The following BOC variants were observed in gnomAD, a reference collection of about 807,000 sequenced individuals.
BOC encodes the protein brother of CDO.
BOC carries 76 observed loss-of-function variants against 112.0 expected under a neutral mutation model. The ratio of observed to expected loss-of-function variants is 0.68; its 90% CI spans 0.56 to 0.82. The LOEUF is 0.82. Ranked by LOEUF, BOC falls within the 40% of genes least tolerant of loss-of-function variation. The pLI, the probability that BOC is intolerant of heterozygous loss-of-function variation, is 0.00. For missense variants in BOC, 1,309 were observed against 1,511.7 expected, an observed-to-expected ratio of 0.87 and a Z score of 2.22; for synonymous variants, 580 against 599.8, an observed-to-expected ratio of 0.97 and a Z score of 0.48.
chr3:113,239,908 C>G (rs1291010591), intron 2 of BOC, among the ~76,000 whole-genome samples: 2 of 152,166 alleles, frequency 1.3e-5, no homozygotes, highest in Non-Finnish European at 2.9e-5. Flanking sequence ...AGGGAAGCTT[C>G]CACAGGGAGG....
chr3:113,242,127 A>C (rs910983878), intron 2 of BOC, among the ~76,000 whole-genome samples: 2 of 152,076 alleles, frequency 1.3e-5, no homozygotes, highest in Non-Finnish European at 2.9e-5. Flanking sequence ...AAAAACAAAA[A>C]AAAAAAAAGA....
At chr3:113,217,146 A>G (rs549037576) in intron 2 of BOC, among the ~76,000 whole-genome samples, 2 of 152,268 alleles carry the variant, frequency 1.3e-5, no homozygotes, top group South Asian at 2.1e-4. Flanking sequence ...CCAGAATCCT[A>G]TTACTGGCCT....
chr3:113,260,706 AC>A (rs1233409402), intron 4 of BOC, among the ~76,000 whole-genome samples: 8 of 137,558 alleles, frequency 5.8e-5, no homozygotes, highest in South Asian at 2.5e-4. Context: ...ACAGAACAGA[AC>A]AGAACAGAAC....
At chr3:113,275,959 C>T (rs919683615) in intron 9 of BOC, among the ~76,000 whole-genome samples, 7 of 152,318 alleles carry the variant, frequency 4.6e-5, no homozygotes, top group African/African-American at 1.4e-4. Context: ...GGCAGGGGGA[C>T]GGGGCGAGCA....
chr3:113,231,920 T>C (rs765146229), intron 2 of BOC, among the ~76,000 whole-genome samples: 11 of 152,162 alleles, frequency 7.2e-5, no homozygotes, highest in South Asian at 2.1e-4. Flanking sequence ...ATGAACAACA[T>C]AGAAGGCTCT....
At chr3:113,217,644 G>A (rs761382382) in intron 2 of BOC, among the ~76,000 whole-genome samples, 1 of 152,168 alleles carries the variant, frequency 6.6e-6, no homozygotes, top group Non-Finnish European at 1.5e-5. Context: ...TAGTACCAAA[G>A]TGTTCTTTTA....
At chr3:113,233,374 G>A (rs139124882) in intron 2 of BOC, among the ~76,000 whole-genome samples, 66 of 152,268 alleles carry the variant, frequency 4.3e-4, no homozygotes, top group African/African-American at 1.3e-3. Flanking sequence ...TCATCACGAG[G>A]AAGGGGCATA....
chr3:113,262,510 G>A (rs1295728302), intron 4 of BOC, among the ~76,000 whole-genome samples: 1 of 152,108 alleles, frequency 6.6e-6, no homozygotes, highest in Non-Finnish European at 1.5e-5. Context: ...CCGCTTTGTG[G>A]GCTGCAGGGG....
At chr3:113,277,412 ACT>A (rs1188806773) in intron 9 of BOC, among the ~76,000 whole-genome samples, 1 of 152,024 alleles carries the variant, frequency 6.6e-6, no homozygotes, top group African/African-American at 2.4e-5. Flanking sequence ...TGGATCCCAG[ACT>A]CTTCTTCCCA....
At chr3:113,272,154 G>A in intron 6 of BOC, 1 of 567,418 alleles carries the variant, frequency 1.8e-6, no homozygotes. Context: ...CTGTGCATAT[G>A]TTATGTTGAT....
At chr3:113,259,310 GT>G (rs1226960884) in intron 4 of BOC, among the ~76,000 whole-genome samples, 1 of 152,142 alleles carries the variant, frequency 6.6e-6, no homozygotes, top group African/African-American at 2.4e-5. Context: ...ACAATACTGG[GT>G]TCATTTTCTA....
At chr3:113,235,195 C>T (rs1199295259) in intron 2 of BOC, among the ~76,000 whole-genome samples, 1 of 152,212 alleles carries the variant, frequency 6.6e-6, no homozygotes, top group Non-Finnish European at 1.5e-5. Flanking sequence ...ATTTTGTCAA[C>T]TCTGAGCACC....
chr3:113,224,131 G>A (rs1317089338), intron 2 of BOC, among the ~76,000 whole-genome samples: 1 of 152,192 alleles, frequency 6.6e-6, no homozygotes, highest in Non-Finnish European at 1.5e-5. Context: ...AGCGTCCCCT[G>A]GGCAGGCAGC....
chr3:113,240,467 A>T (rs1328978242), intron 2 of BOC, among the ~76,000 whole-genome samples: 1 of 152,180 alleles, frequency 6.6e-6, no homozygotes, highest in Non-Finnish European at 1.5e-5. Flanking sequence ...GTTGTCAGGG[A>T]GCATTCCAAG....
chr3:113,234,827 G>C (rs1459075139), intron 2 of BOC, among the ~76,000 whole-genome samples: 8 of 152,202 alleles, frequency 5.3e-5, no homozygotes, highest in Non-Finnish European at 2.9e-5. Flanking sequence ...CTTTTTGGAT[G>C]ATTCGGGGGA....
At chr3:113,261,402 G>A (rs1299888502) in intron 4 of BOC, among the ~76,000 whole-genome samples, 1 of 152,146 alleles carries the variant, frequency 6.6e-6, no homozygotes, top group African/African-American at 2.4e-5. Context: ...TCTTTCTTCA[G>A]TATATTTTTT....
At chr3:113,279,586 C>A in intron 12 of BOC, 131 bp downstream of exon 12, 1 of 940,854 alleles carries the variant, frequency 1.1e-6, no homozygotes, top group Non-Finnish European at 1.6e-6. Flanking sequence ...CTCCATGTTG[C>A]TGTCTGTGGT....
intron 2 of BOC, among the ~76,000 whole-genome samples, chr3:113,241,195 A>G (rs1396713441): frequency 6.6e-6 from 1 of 152,200 alleles, no homozygotes. Flanking sequence ...TGGGATTGAG[A>G]TAGGGCTGGA....
At position 113,283,593 on chromosome 3, in the gene BOC, T is replaced by G; in HGVS notation, c.2617T>G (p.Phe873Val). 1 of 1,613,648 alleles carries G rather than the reference T, an allele frequency of 6.2e-7. No homozygotes were observed. The highest frequency in any genetic ancestry group is 8.5e-7 in the Non-Finnish European group (1 of 1,179,894). Reference protein sequence around the residue: ...LGSIVLIIVTFIPFCLWRAWS... With the variant: ...LGSIVLIIVTVIPFCLWRAWS... ...CTCCATCGTTCTCATCATCGTCACC[T>G]TCATCCCCTTCTGCTTGTGGAGGGC... The change falls in exon 16 of 20, where the codon TTC (phenylalanine) becomes GTC (valine). Residue 873 changes from phenylalanine (F) to valine (V), a missense_variant. Phe to Val is a conservative substitution (Grantham distance 50, BLOSUM62 -1). Coordinates refer to ENST00000682979, the MANE Select transcript of BOC (RefSeq NM_001378074.1).
Sources: gnomAD v4.1 joint callset for allele counts (sites outside exome capture counted in the v4.1 genomes callset) on GRCh38, gnomAD v4.1.1 for gene constraint, MANE v1.5 for transcripts, NCBI Gene and HGNC (gene_info 2026-07-23, HGNC 2026-07-21) for gene names.